MLLT3: variants seen among roughly 807,000 people sequenced by gnomAD.
The protein encoded by MLLT3 is protein AF-9.
A neutral mutation model predicts 53.2 loss-of-function variants in MLLT3; 4 were observed. The observed-to-expected ratio is 0.08, with a 90% confidence interval of 0.04 to 0.17. MLLT3 has a LOEUF of 0.17. MLLT3 is among the 10% of genes least tolerant of loss of function. The pLI, the probability that MLLT3 is intolerant of heterozygous loss-of-function variation, is 1.00. For synonymous variants in MLLT3, 283 were observed against 230.6 expected (o/e 1.23, Z -2.06); for missense variants, 569 against 684.0 (o/e 0.83, Z 1.87).
In MLLT3 at chr9:20,394,133, G is replaced by A. The variant is rs559899335; in HGVS notation, c.1125+19588C>T. Among the ~76,000 whole-genome samples the A allele has an allele frequency of 3.3e-5, 5 of 152,242 alleles. No individual in the cohort carries two copies. The East Asian group carries it at 9.6e-4, about 29-fold the overall frequency. On this transcript the variant is annotated intron_variant, in intron 5 of 10. Coordinates refer to ENST00000380338, the MANE Select transcript of MLLT3 (RefSeq NM_004529.4). ...TTTCACCTGTACAACACAGCAAGGA[G>A]CTGGCTGGATTCTCATATAGGCTTC...
intron 2 of MLLT3, among the ~76,000 whole-genome samples, chr9:20,511,395 A>G (rs1477705475): frequency 6.6e-6 from 1 of 152,242 alleles, no homozygotes; most frequent in Non-Finnish European, 1.5e-5. Context: ...TTCTTCAAAC[A>G]CAAAAAAATT....
intron 2 of MLLT3, among the ~76,000 whole-genome samples, chr9:20,491,033 A>G (rs1824935443): frequency 1.3e-5 from 2 of 152,324 alleles, no homozygotes; most frequent in Admixed American, 1.3e-4. Context: ...AAAACTTTAA[A>G]TGGTTTAAAA....
At chr9:20,576,034 G>C (rs746572311) in intron 2 of MLLT3, among the ~76,000 whole-genome samples, 1 of 152,166 alleles carries the variant, frequency 6.6e-6, no homozygotes, top group Non-Finnish European at 1.5e-5. Flanking sequence ...CTTCCTCAAT[G>C]ATCTTAGCTA....
intron 2 of MLLT3, among the ~76,000 whole-genome samples, chr9:20,599,873 AAAAT>A (rs1355964779): frequency 6.6e-6 from 1 of 152,176 alleles, no homozygotes; most frequent in Non-Finnish European, 1.5e-5. Flanking sequence ...CCACGTCTGT[AAAAT>A]AACAAGGTGT....
intron 2 of MLLT3, among the ~76,000 whole-genome samples, chr9:20,496,897 C>T (rs1586995669): frequency 6.6e-6 from 1 of 152,346 alleles, no homozygotes; most frequent in East Asian, 1.9e-4. Flanking sequence ...CTCAGAGACA[C>T]TTCCCCAAGA....
intron 2 of MLLT3, among the ~76,000 whole-genome samples, chr9:20,487,550 C>T (rs1328833979): frequency 6.6e-6 from 1 of 152,124 alleles, no homozygotes; most frequent in Non-Finnish European, 1.5e-5. Flanking sequence ...CTAATCAGTA[C>T]TATTCATCAC....
chr9:20,498,082 G>C (rs1041540067), intron 2 of MLLT3, among the ~76,000 whole-genome samples: 7 of 151,476 alleles, frequency 4.6e-5, no homozygotes, highest in African/African-American at 1.7e-4. Context: ...AATTAGCTGG[G>C]CGTGGTGGCA....
At chr9:20,558,655 C>A (rs558412089) in intron 2 of MLLT3, among the ~76,000 whole-genome samples, 37 of 152,290 alleles carry the variant, frequency 2.4e-4, no homozygotes, top group African/African-American at 7.9e-4. Context: ...CTGACTCAGT[C>A]TGGGGTAGAG....
chr9:20,504,966 C>A (rs1477224313), intron 2 of MLLT3, among the ~76,000 whole-genome samples: 1 of 151,642 alleles, frequency 6.6e-6, no homozygotes, highest in African/African-American at 2.4e-5. Flanking sequence ...CGGAAAGGAG[C>A]CCAAAAGTAG....
chr9:20,559,216 ATAAG>A (rs1217649418), intron 2 of MLLT3, among the ~76,000 whole-genome samples: 1 of 152,254 alleles, frequency 6.6e-6, no homozygotes, highest in African/African-American at 2.4e-5. Context: ...AAATACTGAT[ATAAG>A]TATTTTGGAA....
At chr9:20,405,320 C>T (rs1822552803) in intron 5 of MLLT3, among the ~76,000 whole-genome samples, 1 of 152,218 alleles carries the variant, frequency 6.6e-6, no homozygotes, top group Admixed American at 6.5e-5. Context: ...ATTTCTTACT[C>T]TTCCCTTTTC....
At chr9:20,550,261 G>A (rs1386673763) in intron 2 of MLLT3, among the ~76,000 whole-genome samples, 2 of 152,098 alleles carry the variant, frequency 1.3e-5, no homozygotes, top group Admixed American at 6.5e-5. Context: ...AATAATGACA[G>A]AAGCACCCAA....
chr9:20,455,937 T>G (rs962185364), intron 3 of MLLT3, among the ~76,000 whole-genome samples: 14 of 145,424 alleles, frequency 9.6e-5, no homozygotes, highest in Non-Finnish European at 1.8e-4. Context: ...CTTTTTTTTT[T>G]TTTTTTTTTT....
intron 2 of MLLT3, among the ~76,000 whole-genome samples, chr9:20,581,054 T>G (rs781542113): frequency 2.8e-4 from 43 of 152,256 alleles, no homozygotes; most frequent in Non-Finnish European, 5.1e-4. Context: ...ACCCGTTTAT[T>G]TTGGTGCTTC....
At chr9:20,605,567 C>G (rs927227705) in intron 2 of MLLT3, among the ~76,000 whole-genome samples, 7 of 151,970 alleles carry the variant, frequency 4.6e-5, no homozygotes, top group Non-Finnish European at 1.0e-4. Flanking sequence ...CAACATTCCC[C>G]ATTTCAATAT....
intron 2 of MLLT3, among the ~76,000 whole-genome samples, chr9:20,476,930 T>C (rs1193014576): frequency 6.6e-6 from 1 of 152,200 alleles, no homozygotes; most frequent in Non-Finnish European, 1.5e-5. Context: ...ACAAGTCTTT[T>C]CCATCTGTGA....
At chr9:20,576,539 G>C (rs927648915) in intron 2 of MLLT3, among the ~76,000 whole-genome samples, 15 of 152,070 alleles carry the variant, frequency 9.9e-5, no homozygotes, top group African/African-American at 3.6e-4. Flanking sequence ...CCAGGAAATA[G>C]GGAGGTCCAA....
intron 2 of MLLT3, among the ~76,000 whole-genome samples, chr9:20,492,195 T>A (rs1399689238): frequency 3.3e-5 from 5 of 152,092 alleles, no homozygotes; most frequent in Non-Finnish European, 7.4e-5. Flanking sequence ...TTGATATCAT[T>A]TATTTGCAGG....
intron 5 of MLLT3, among the ~76,000 whole-genome samples, chr9:20,396,204 T>G (rs1388383441): frequency 6.6e-6 from 1 of 151,930 alleles, no homozygotes; most frequent in Non-Finnish European, 1.5e-5. Context: ...ATCTTGTGAG[T>G]AGCACTTTAA....
Sources: allele counts gnomAD v4.1 joint callset (sites outside exome capture counted in the v4.1 genomes callset), GRCh38; gene constraint gnomAD v4.1.1; transcripts MANE v1.5; gene names NCBI Gene and HGNC (gene_info 2026-07-23, HGNC 2026-07-21).